The following NLRP13 variants were observed in gnomAD, a reference collection of about 807,000 sequenced individuals.
NLRP13 encodes the protein NACHT, LRR and PYD domains-containing protein 13.
In NLRP13, 82 loss-of-function variants were observed where a neutral mutation model predicts 94.4. That is an observed-to-expected ratio of 0.87 (90% CI 0.73 to 1.04). The LOEUF (loss-of-function observed/expected upper bound fraction) is 1.04, where lower values mean the gene tolerates loss of function less well. Among genes scored for constraint, NLRP13 ranks in the 50% least tolerant of loss-of-function variants. NLRP13 has a pLI of 0.00. For missense variants in NLRP13, 1,426 were observed against 1,230.8 expected, an observed-to-expected ratio of 1.16 and a Z score of -2.37; for synonymous variants, 553 against 464.7, an observed-to-expected ratio of 1.19 and a Z score of -2.45.
chr19:55,929,913 A>T (rs1987066931), intron 1 of NLRP13, among the ~76,000 whole-genome samples: 1 of 152,104 alleles, frequency 6.6e-6, no homozygotes, highest in Non-Finnish European at 1.5e-5. Context: ...TAAGACAGTA[A>T]AAAAAAGAAT....
rs759734614 is a variant in NLRP13, at chr19:55,905,036, G to A, written c.2524C>T (p.Arg842Ter). 14 of 1,613,586 alleles carry A rather than the reference G, an allele frequency of 8.7e-6. No homozygotes were observed. Among genetic ancestry groups the A allele is most frequent in the South Asian group, 5.5e-5 (5 of 91,046 alleles). The change falls in exon 8 of 11, where the codon CGA becomes TGA. Residue 842 changes from arginine to a stop codon, truncating the protein, a stop_gained. Coordinates refer to ENST00000342929, the MANE Select transcript of NLRP13 (RefSeq NM_176810.2). LOFTEE classifies it high-confidence loss of function. The stretch of plus-strand genomic sequence containing the variant: ...AGCCGATTAAATCCCAGGCACAATC[G>A]AGTTACGTGTTGGATGCTGGTGAGA... Reference protein sequence around the residue: ...LFLTSIQHVTRLCLGFNRLQD... With the variant: ...LFLTSIQHVT
chr19:55,898,700 A>G, intron 10 of NLRP13, 70 bp downstream of exon 10: 1 of 1,445,940 alleles, frequency 6.9e-7, no homozygotes. Flanking sequence ...CCCCGATGGG[A>G]TCCGATCATA....
At chr19:55,926,928 T>C (rs1182675702) in intron 1 of NLRP13, among the ~76,000 whole-genome samples, 2 of 151,916 alleles carry the variant, frequency 1.3e-5, no homozygotes, top group East Asian at 1.9e-4. Flanking sequence ...ATTCAATAGA[T>C]AAAGAGCTCT....
downstream of NLRP13, among the ~76,000 whole-genome samples, chr19:55,893,336 C>T (rs534102490): frequency 6.6e-6 from 1 of 151,858 alleles, no homozygotes; most frequent in South Asian, 2.1e-4. Context: ...TGCGGTGAGC[C>T]GAGATCACGC....
intron 6 of NLRP13, among the ~76,000 whole-genome samples, chr19:55,908,289 C>G (rs1986411342): frequency 6.6e-6 from 1 of 152,122 alleles, no homozygotes; most frequent in South Asian, 2.1e-4. Flanking sequence ...TACAATCCAA[C>G]CTAGAAAAGC....
At chr19:55,905,434 CAT>C (rs1161630612) in intron 7 of NLRP13, among the ~76,000 whole-genome samples, 3 of 149,890 alleles carry the variant, frequency 2.0e-5, no homozygotes, top group Non-Finnish European at 1.5e-5. Context: ...TATACACACA[CAT>C]ATATATGTAT....
At chr19:55,904,782 T>C (rs756336069) in intron 8 of NLRP13, among the ~76,000 whole-genome samples, 160 bp downstream of exon 8, 21 of 152,150 alleles carry the variant, frequency 1.4e-4, no homozygotes, top group Non-Finnish European at 2.5e-4. Flanking sequence ...AAATCCAGGA[T>C]GCTACTCTGA....
intron 4 of NLRP13, among the ~76,000 whole-genome samples, chr19:55,913,548 CAAAAAAAAA>C (rs10530056): frequency 2.5e-4 from 13 of 52,068 alleles, no homozygotes; most frequent in Admixed American, 1.9e-3. Flanking sequence ...GACTCCGTCT[CAAAAAAAAA>C]AAAAAAAAAA....
At chr19:55,905,953 T>C (rs1311407989) in intron 7 of NLRP13, among the ~76,000 whole-genome samples, 1 of 151,964 alleles carries the variant, frequency 6.6e-6, no homozygotes, top group Non-Finnish European at 1.5e-5. Flanking sequence ...CAAAGAAGCC[T>C]AAGGAAATTA....
chr19:55,932,054 G>A lies in NLRP13; in HGVS notation c.258C>T (p.Leu86=), dbSNP rs189185400. The change falls in exon 1 of 11, where the codon CTC becomes CTT. Residue 86 remains leucine (L), a synonymous_variant. Coordinates refer to ENST00000342929, the MANE Select transcript of NLRP13 (RefSeq NM_176810.2). ...FPKGQAWKVV[L]GIFQTMNLTS... ...TCAGATTCATTGTCTGGAAGATGCCGAGGACCACTTTCCATGCCTGACCTT... is the reference window on the plus strand; with the variant it reads ...TCAGATTCATTGTCTGGAAGATGCCAAGGACCACTTTCCATGCCTGACCTT... 8.7e-6 allele frequency: 14 copies of A among 1,614,040 alleles called. No individual in the cohort carries two copies. Among genetic ancestry groups the A allele is most frequent in the Admixed American group, 3.3e-5 (2 of 60,012 alleles).
Position 55,912,187 on chromosome 19 carries a change from C to CA in NLRP13, c.1629dup (p.Ala544CysfsTer11). 2 of 1,614,020 alleles carry CA rather than the reference C, an allele frequency of 1.2e-6. No individual in the cohort carries two copies. The highest frequency in any genetic ancestry group is 1.3e-5 in the African/African-American group (1 of 75,006). ...TCCTCTAGCACAAAGGACATGGCTG[C>CA]AAAAAACTCCTGGAAACTTAGGTGG... is the stretch of plus-strand genomic sequence containing the variant. On this transcript the variant is annotated frameshift_variant, in exon 5 of 11. Transcript: ENST00000342929. LOFTEE classifies it high-confidence loss of function.
chr19:55,913,482 G>A (rs576537926), intron 4 of NLRP13, among the ~76,000 whole-genome samples, 189 bp from the exon 5 acceptor site: 33 of 143,338 alleles, frequency 2.3e-4, no homozygotes, highest in Non-Finnish European at 2.6e-4. Flanking sequence ...CCCGGGAGGC[G>A]GAGGTTGCAG....
chr19:55,906,898 G>A (rs1276124451), intron 7 of NLRP13, among the ~76,000 whole-genome samples: 2 of 152,120 alleles, frequency 1.3e-5, no homozygotes, highest in Non-Finnish European at 1.5e-5. Flanking sequence ...TGTTAGAAGT[G>A]CTCATTCTTA....
intron 4 of NLRP13, among the ~76,000 whole-genome samples, chr19:55,920,072 A>G (rs1000295613): frequency 1.3e-5 from 2 of 152,196 alleles, no homozygotes; most frequent in African/African-American, 4.8e-5. Flanking sequence ...AAAAACACGC[A>G]CTAGGGAAAG....
chr19:55,912,231 CCA>C lies in NLRP13; in HGVS notation c.1584_1585del (p.Cys528TrpfsTer26). Reference sequence around the variant, plus strand: ...TAGGTGGGTGAAAGTAGTGCAACCCCCACAGTCATTGATCTTTTGAAGAATAT... The same window carrying C: ...TAGGTGGGTGAAAGTAGTGCAACCCCCAGTCATTGATCTTTTGAAGAATAT... On this transcript the variant is annotated frameshift_variant, in exon 5 of 11. Coordinates refer to ENST00000342929, the MANE Select transcript of NLRP13 (RefSeq NM_176810.2). LOFTEE classifies it high-confidence loss of function. The C allele has an allele frequency of 6.2e-7, 1 of 1,614,058 alleles. No homozygotes were observed. Among genetic ancestry groups the C allele is most frequent in the Non-Finnish European group, 8.5e-7 (1 of 1,179,990 alleles).
chr19:55,931,565 C>T (rs376416139), intron 1 of NLRP13, among the ~76,000 whole-genome samples: 43 of 150,780 alleles, frequency 2.9e-4, no homozygotes, highest in African/African-American at 1.0e-3. Flanking sequence ...AAAAATTAGC[C>T]GGGTGTGGTG....
chr19:55,924,460 G>A (rs1183659311), intron 3 of NLRP13, 130 bp downstream of exon 3: 1 of 677,910 alleles, frequency 1.5e-6, no homozygotes. Context: ...GGAAGAACTA[G>A]ATGGAAAGAG....
chr19:55,920,291 T>A (rs1439133456), intron 4 of NLRP13, among the ~76,000 whole-genome samples: 3 of 151,946 alleles, frequency 2.0e-5, no homozygotes, highest in Non-Finnish European at 2.9e-5. Context: ...GACTAAGACC[T>A]CAAAAACAAA....
Position 55,910,613 on chromosome 19 carries a change from C to A in NLRP13, c.2232G>T (p.Lys744Asn), listed in dbSNP as rs749162775. 3.1e-6 allele frequency: 5 copies of A among 1,613,614 alleles called. No individual in the cohort carries two copies. In the South Asian group the frequency reaches 5.5e-5, roughly 18 times the overall value. The change falls in exon 6 of 11, where the codon AAG becomes AAT. Residue 744 changes from lysine (K) to asparagine (N), a missense_variant. Transcript: ENST00000342929. ...GATTTTTCAGTGCAAGACAGAGACC[C>A]TTCACAGAGGAAGCATGAAGTTTGC... The part of the protein sequence containing the change: ...SNSKLHASSV[K>N]GLCLALKNPR...
Sources: gnomAD v4.1 joint callset for allele counts (sites outside exome capture counted in the v4.1 genomes callset) on GRCh38, gnomAD v4.1.1 for gene constraint, MANE v1.5 for transcripts, NCBI Gene and HGNC (gene_info 2026-07-23, HGNC 2026-07-21) for gene names.